MYO16: variants seen among roughly 807,000 people sequenced by gnomAD.
MYO16 encodes the protein myosin XVI.
In MYO16, 94 loss-of-function variants were observed where a neutral mutation model predicts 205.3. The ratio of observed to expected loss-of-function variants is 0.46; its 90% confidence interval spans 0.39 to 0.54. MYO16 has a LOEUF of 0.54. Ranked by LOEUF, MYO16 falls within the 20% of genes least tolerant of loss-of-function variation. The pLI, the probability that MYO16 is intolerant of heterozygous loss-of-function variation, is 0.00. For synonymous variants in MYO16, 988 were observed against 954.0 expected, an observed-to-expected ratio of 1.04 and a Z score of -0.66; for missense variants, 2,315 against 2,387.5, an observed-to-expected ratio of 0.97 and a Z score of 0.63.
intron 29 of MYO16, among the ~76,000 whole-genome samples, chr13:109,124,383 A>G (rs1876138741): frequency 6.6e-6 from 1 of 152,176 alleles, no homozygotes; most frequent in Non-Finnish European, 1.5e-5. Flanking sequence ...TTACTAAGAG[A>G]AGTGCCATTG....
At chr13:108,578,891 T>G in the MYO16 span, among the ~76,000 whole-genome samples, 27 of 149,152 alleles carry the variant, frequency 1.8e-4, no homozygotes, top group Non-Finnish European at 3.6e-4. Flanking sequence ...TATAATTATA[T>G]GTATTATGTA....
intron 22 of MYO16, among the ~76,000 whole-genome samples, chr13:109,019,005 G>A (rs192818165): frequency 2.0e-5 from 3 of 147,138 alleles, no homozygotes; most frequent in East Asian, 4.0e-4. Flanking sequence ...GGTTGCGTCT[G>A]TTGTCCAGGA....
chr13:108,989,131 C>T (rs1023689276), intron 20 of MYO16, among the ~76,000 whole-genome samples: 2 of 152,046 alleles, frequency 1.3e-5, no homozygotes, highest in African/African-American at 4.8e-5. Context: ...ATTAAGAAAT[C>T]ACCTCCAGGT....
At chr13:108,722,735 C>A (rs1388309298) in intron 3 of MYO16, among the ~76,000 whole-genome samples, 2 of 152,080 alleles carry the variant, frequency 1.3e-5, no homozygotes, top group African/African-American at 4.8e-5. Flanking sequence ...TGAAGTAGAT[C>A]CGGGCCTCAC....
the MYO16 span, among the ~76,000 whole-genome samples, chr13:108,531,101 G>A: frequency 3.9e-5 from 6 of 152,204 alleles, no homozygotes; most frequent in African/African-American, 1.4e-4. Flanking sequence ...TTGGCCTGGT[G>A]AGGTGGTTTC....
chr13:108,961,449 T>G, intron 17 of MYO16, 90 bp from the exon 18 acceptor site: 1 of 1,037,456 alleles, frequency 9.6e-7, no homozygotes, highest in Non-Finnish European at 1.5e-6. Context: ...GTCATCATTT[T>G]TGTAACTTAC....
At chr13:108,693,749 T>C (rs1388856236) in intron 2 of MYO16, among the ~76,000 whole-genome samples, 2 of 152,158 alleles carry the variant, frequency 1.3e-5, no homozygotes, top group Non-Finnish European at 2.9e-5. Flanking sequence ...CATGTTCAGG[T>C]TTGTTATATA....
At chr13:109,065,649 TTC>T (rs1275127237) in intron 27 of MYO16, 1 of 430,254 alleles carries the variant, frequency 2.3e-6, no homozygotes, top group African/African-American at 2.1e-5. Flanking sequence ...GCTTGTGGAA[TTC>T]TCATCCATAC....
At chr13:108,576,918 A>G in the MYO16 span, among the ~76,000 whole-genome samples, 5 of 151,964 alleles carry the variant, frequency 3.3e-5, no homozygotes, top group Non-Finnish European at 5.9e-5. Flanking sequence ...ACGCCACCAC[A>G]TCTGGCTAAT....
chr13:108,649,254 C>T (rs999361760), intron 1 of MYO16, among the ~76,000 whole-genome samples: 17 of 152,118 alleles, frequency 1.1e-4, no homozygotes, highest in African/African-American at 3.9e-4. Context: ...ATTTATCAAA[C>T]TTAAAGGAAA....
chr13:108,741,338 G>A (rs4485216), intron 4 of MYO16, among the ~76,000 whole-genome samples: 1,714 of 152,182 alleles, frequency 0.011, 40 homozygotes, highest in African/African-American at 0.039. Flanking sequence ...GACTCACTCC[G>A]AATGAAGACT....
chr13:109,015,334 C>T (rs1018236228), intron 22 of MYO16, among the ~76,000 whole-genome samples: 1 of 152,124 alleles, frequency 6.6e-6, no homozygotes, highest in Non-Finnish European at 1.5e-5. Flanking sequence ...GGTGGATAAG[C>T]TCTTTGATGT....
intron 4 of MYO16, among the ~76,000 whole-genome samples, chr13:108,744,229 T>C (rs1566582715): frequency 6.6e-6 from 1 of 152,102 alleles, no homozygotes; most frequent in Non-Finnish European, 1.5e-5. Flanking sequence ...AAGAAACGAT[T>C]GATTTTTTCC....
At chr13:108,723,636 G>T (rs558057096) in intron 3 of MYO16, among the ~76,000 whole-genome samples, 1 of 152,188 alleles carries the variant, frequency 6.6e-6, no homozygotes, top group Admixed American at 6.5e-5. Context: ...GTCTATACAT[G>T]AATTGATCTA....
intron 27 of MYO16, among the ~76,000 whole-genome samples, chr13:109,099,437 A>G (rs11840055): frequency 0.16 from 25,002 of 152,168 alleles, 2,198 homozygotes; most frequent in Middle Eastern, 0.19. Context: ...TGCGAAAACC[A>G]CAATTACATT....
chr13:109,055,555 G>A lies in MYO16; in HGVS notation c.3295G>A (p.Gly1099Arg). The A allele has an allele frequency of 6.2e-7, 1 of 1,612,594 alleles. No homozygotes were observed. The highest frequency in any genetic ancestry group is 8.5e-7 in the Non-Finnish European group (1 of 1,179,356). Reference sequence around the variant, plus strand: ...GGAGATGGTGAAGATCTTCCGATATGGATACCCTGTTCGCCTTTCCTTCTC... The same window carrying A: ...GGAGATGGTGAAGATCTTCCGATATAGATACCCTGTTCGCCTTTCCTTCTC... ...VLEMVKIFRY[G>R]YPVRLSFSDF... Residue 1099 changes from glycine to arginine, a missense_variant, in exon 27 of 35, where the codon GGA (glycine) becomes AGA (arginine). Coordinates refer to ENST00000457511, the MANE Select transcript of MYO16 (RefSeq NM_001198950.3). This position sits in a 1 kb window ranked among gnomAD's most constrained non-coding sequence, Gnocchi z 5.0.
At chr13:109,188,080 C>A (rs893295478) in intron 34 of MYO16, among the ~76,000 whole-genome samples, 1 of 152,158 alleles carries the variant, frequency 6.6e-6, no homozygotes, top group African/African-American at 2.4e-5. Context: ...AAGATCTATT[C>A]ATCATTATAC....
intron 16 of MYO16, among the ~76,000 whole-genome samples, chr13:108,921,489 C>A (rs1283531142): frequency 1.3e-5 from 2 of 152,228 alleles, no homozygotes; most frequent in East Asian, 3.8e-4. Context: ...GCTTGCAGGA[C>A]ATATAGTATA....
the MYO16 span, among the ~76,000 whole-genome samples, chr13:108,520,227 G>T: frequency 1.3e-5 from 2 of 151,836 alleles, no homozygotes; most frequent in African/African-American, 2.4e-5. Context: ...AGATCTGTCT[G>T]GTATGCTTCA....
Sources: allele counts gnomAD v4.1 joint callset (sites outside exome capture counted in the v4.1 genomes callset), GRCh38; gene constraint gnomAD v4.1.1; non-coding constraint Gnocchi (gnomAD v3.1); transcripts MANE v1.5; gene names NCBI Gene and HGNC (gene_info 2026-07-23, HGNC 2026-07-21).